The following PSMD5 variants were observed in gnomAD, a reference collection of about 807,000 sequenced individuals.
The protein encoded by PSMD5 is 26S proteasome non-ATPase regulatory subunit 5.
A neutral mutation model predicts 52.1 loss-of-function variants in PSMD5; 40 were observed. That is an observed-to-expected ratio of 0.77 (90% CI 0.60 to 1.00). PSMD5 has a LOEUF of 1.00. Among genes scored for constraint, PSMD5 ranks in the 50% least tolerant of loss-of-function variants. The probability of loss-of-function intolerance (pLI) is 0.00; values close to 1 mark genes in which losing one functional copy is unlikely to be tolerated. For missense variants in PSMD5, 575 were observed against 605.2 expected, an observed-to-expected ratio of 0.95 and a Z score of 0.52; for synonymous variants, 211 against 226.6, an observed-to-expected ratio of 0.93 and a Z score of 0.62.
chr9:120,838,655 T>G (rs2045214434), intron 1 of PSMD5, among the ~76,000 whole-genome samples: 1 of 152,236 alleles, frequency 6.6e-6, no homozygotes, highest in African/African-American at 2.4e-5. Context: ...AATTGTTCCC[T>G]AAAGCACTGC....
chr9:120,840,870 G>A (rs771207588), intron 1 of PSMD5, among the ~76,000 whole-genome samples: 29 of 151,208 alleles, frequency 1.9e-4, no homozygotes, highest in Non-Finnish European at 3.8e-4. Flanking sequence ...CACCCGCCTC[G>A]GCCTCCCAAA....
In PSMD5 at chr9:120,831,841, T is replaced by C. The variant is rs767764435; in HGVS notation, c.423A>G (p.Val141=). The change falls in exon 3 of 10, where the codon GTA becomes GTG. Residue 141 remains valine (V), a synonymous_variant. Coordinates refer to ENST00000210313, the MANE Select transcript of PSMD5 (RefSeq NM_005047.4). The stretch of plus-strand genomic sequence containing the variant: ...ATTCTAGTAGACTCACCGCTTTTGC[T>C]ACAGATAGATTCTCTCCACCAATGC... The part of the protein sequence containing the change: ...VYCIGGENLS[V]AKAAIKSLSR... 1.9e-6 allele frequency: 3 copies of C among 1,612,576 alleles called. No individual in the cohort carries two copies. Among genetic ancestry groups the C allele is most frequent in the Non-Finnish European group, 2.5e-6 (3 of 1,179,608 alleles).
At chr9:120,826,175 T>A (rs1000017057) in intron 6 of PSMD5, among the ~76,000 whole-genome samples, 1 of 152,116 alleles carries the variant, frequency 6.6e-6, no homozygotes, top group Admixed American at 6.5e-5. Flanking sequence ...TTTGTATTTT[T>A]AGTTGAGATG....
intron 1 of PSMD5, among the ~76,000 whole-genome samples, chr9:120,839,748 T>C (rs1176094051): frequency 6.6e-6 from 1 of 151,996 alleles, no homozygotes; most frequent in Non-Finnish European, 1.5e-5. Context: ...GGTTTTTTTT[T>C]CCTTTTTTTC....
intron 1 of PSMD5, among the ~76,000 whole-genome samples, chr9:120,838,288 G>A (rs1260960516): frequency 1.3e-5 from 2 of 152,158 alleles, no homozygotes; most frequent in Admixed American, 1.3e-4. Flanking sequence ...TTTGAAAGCT[G>A]TTTAAAAAAA....
chr9:120,833,504 G>A lies in PSMD5; in HGVS notation c.174-48C>T. 3 of 1,564,038 alleles carry A rather than the reference G, an allele frequency of 1.9e-6. No individual in the cohort carries two copies. The South Asian group carries it at 3.4e-5, about 18-fold the overall frequency. On this transcript the variant is annotated intron_variant, in intron 1 of 9. Transcript: ENST00000210313. ...TATTAGTTCATATCCTGCCCAGGTAGGAAGTAACAACCTAATAATAGCTGA... is the reference window on the plus strand; with the variant it reads ...TATTAGTTCATATCCTGCCCAGGTAAGAAGTAACAACCTAATAATAGCTGA...
intron 3 of PSMD5, 182 bp downstream of exon 3, chr9:120,831,650 G>T: frequency 9.0e-7 from 1 of 1,109,126 alleles, no homozygotes; most frequent in Non-Finnish European, 1.2e-6. Flanking sequence ...CCTAGAAAAT[G>T]AAAGGGGTTT....
intron 1 of PSMD5, among the ~76,000 whole-genome samples, chr9:120,838,261 T>G (rs1284377906): frequency 6.6e-6 from 1 of 152,250 alleles, no homozygotes; most frequent in Non-Finnish European, 1.5e-5. Context: ...TGCAGTTCAT[T>G]GTATATAAAT....
rs1052281937 is a variant in PSMD5 at position 120,824,062 on chromosome 9, G to A, written c.1006+432C>T. 4.0e-5 allele frequency: 7 copies of A among 172,920 alleles called. No individual in the cohort carries two copies. In the South Asian group the frequency reaches 6.6e-4, roughly 16 times the overall value. 10.7% of individuals were successfully genotyped at this position (172,920 alleles called of 1,614,324 possible). On this transcript the variant is annotated intron_variant, in intron 7 of 9. Transcript: ENST00000210313. ...TGAGGCAGGAGGATTGCTTGAGCCC[G>A]GGAGTTCGGGGCCAGCCTGGGTAAC...
intron 5 of PSMD5, among the ~76,000 whole-genome samples, chr9:120,828,664 G>C (rs1351761446): frequency 1.3e-5 from 2 of 151,122 alleles, no homozygotes; most frequent in Non-Finnish European, 3.0e-5. Flanking sequence ...CTGACCTCAT[G>C]AATCGCCCAC....
At chr9:120,829,323 A>G in intron 4 of PSMD5, 115 bp from the exon 5 acceptor site, 1 of 1,231,858 alleles carries the variant, frequency 8.1e-7, no homozygotes, top group Non-Finnish European at 1.0e-6. Flanking sequence ...TGAGTTTTAA[A>G]AAATCCATTA....
Position 120,831,919 on chromosome 9 carries a change from A to G in PSMD5, c.345T>C (p.Asp115=). The part of the protein sequence containing the change: ...SQIGRIVENS[D]AVTEILNNAE... Reference sequence around the variant, plus strand: ...CATTATTTAGAATCTCAGTAACAGCATCAGAATTTTCAACAATTCTTCCAA... The same window carrying G: ...CATTATTTAGAATCTCAGTAACAGCGTCAGAATTTTCAACAATTCTTCCAA... Residue 115 remains aspartate, a synonymous_variant, in exon 3 of 10, where the codon GAT becomes GAC. Transcript: ENST00000210313. 6.2e-7 allele frequency: 1 copy of G among 1,612,820 alleles called. No homozygotes were observed. The highest frequency in any genetic ancestry group is 8.5e-7 in the Non-Finnish European group (1 of 1,179,750).
At chr9:120,824,726 G>A in intron 6 of PSMD5, 41 bp from the exon 7 acceptor site, 1 of 1,509,418 alleles carries the variant, frequency 6.6e-7, no homozygotes, top group Non-Finnish European at 8.9e-7. Context: ...AGGGGAACAA[G>A]ACAGCATGAA....
Position 120,818,130 on chromosome 9 carries a change from T to G in PSMD5, c.1291A>C (p.Met431Leu). ...IANQPWAQKLMFNSPGFVEYV... is the reference protein window; with the variant it reads ...IANQPWAQKLLFNSPGFVEYV... ...TCTACAAAACCTGGACTGTTAAACA[T>G]AAGTTTCTGAGCCCAGGGTTGGTTT... Residue 431 changes from methionine (M) to leucine (L), a missense_variant, in exon 10 of 10, where the codon ATG (methionine) becomes CTG (leucine). Met to Leu is a conservative substitution (Grantham distance 15, BLOSUM62 2). Transcript: ENST00000210313. 6.2e-7 allele frequency: 1 copy of G among 1,614,026 alleles called. No homozygotes were observed. The highest frequency in any genetic ancestry group is 1.6e-4 in the Middle Eastern group (1 of 6,062).
At chr9:120,825,698 CTT>C (rs1326868697) in intron 6 of PSMD5, among the ~76,000 whole-genome samples, 1 of 151,882 alleles carries the variant, frequency 6.6e-6, no homozygotes, top group African/African-American at 2.4e-5. Context: ...GGGAATGTAT[CTT>C]TGATTACTTT....
intron 1 of PSMD5, among the ~76,000 whole-genome samples, chr9:120,838,351 C>T (rs183981017): frequency 6.6e-6 from 1 of 152,308 alleles, no homozygotes; most frequent in East Asian, 1.9e-4. Flanking sequence ...CTATGTGACC[C>T]TTCTTTGCCA....
At chr9:120,831,544 G>A in intron 3 of PSMD5, 85 bp from the exon 4 acceptor site, 1 of 1,407,338 alleles carries the variant, frequency 7.1e-7, no homozygotes, top group Admixed American at 2.3e-5. Context: ...ATAGTGCATG[G>A]AATGCACCTT....
chr9:120,824,884 A>G (rs759096029), intron 6 of PSMD5, 199 bp from the exon 7 acceptor site: 2 of 470,848 alleles, frequency 4.2e-6, no homozygotes, highest in Non-Finnish European at 7.4e-6. Context: ...AGAGGGCGTC[A>G]ATGGAGCTGG....
chr9:120,821,703 A>G, intron 7 of PSMD5, among the ~76,000 whole-genome samples: 1 of 151,926 alleles, frequency 6.6e-6, no homozygotes, highest in Non-Finnish European at 1.5e-5. Context: ...CCACTATTCT[A>G]CCTCCTGTGA....
Sources: allele counts gnomAD v4.1 joint callset (sites outside exome capture counted in the v4.1 genomes callset), GRCh38; gene constraint gnomAD v4.1.1; transcripts MANE v1.5; gene names NCBI Gene and HGNC (gene_info 2026-07-23, HGNC 2026-07-21).